DCC: variants seen among roughly 807,000 people sequenced by gnomAD.
The protein encoded by DCC is DCC netrin 1 receptor, also known as netrin receptor DCC.
DCC carries 58 observed loss-of-function variants against 172.5 expected under a neutral mutation model. The observed-to-expected ratio is 0.34, with a 90% CI of 0.27 to 0.42. The LOEUF (loss-of-function observed/expected upper bound fraction) is 0.42, where lower values mean the gene tolerates loss of function less well. Ranked by LOEUF, DCC falls within the 10% of genes least tolerant of loss-of-function variation. DCC has a pLI of 1.00. For missense variants in DCC, 1,740 were observed against 1,791.0 expected (o/e 0.97, Z 0.51); for synonymous variants, 709 against 644.5 (o/e 1.10, Z -1.52).
chr18:53,235,434 A>G (rs2056187186), intron 12 of DCC, among the ~76,000 whole-genome samples: 1 of 152,182 alleles, frequency 6.6e-6, no homozygotes, highest in Non-Finnish European at 1.5e-5. Flanking sequence ...GAACTCCTAG[A>G]AAAATAAGTC....
chr18:52,838,011 G>C (rs1054929574), intron 2 of DCC, among the ~76,000 whole-genome samples: 1 of 152,136 alleles, frequency 6.6e-6, no homozygotes, highest in African/African-American at 2.4e-5. Flanking sequence ...TCTCATGAGA[G>C]CTAACTCACT....
chr18:53,103,464 G>C (rs2043202039), intron 7 of DCC, among the ~76,000 whole-genome samples: 3 of 151,982 alleles, frequency 2.0e-5, no homozygotes, highest in African/African-American at 7.2e-5. Flanking sequence ...CTTGACACTT[G>C]AGCCTGGGCT....
chr18:52,410,785 GT>G (rs1401152892), intron 1 of DCC, among the ~76,000 whole-genome samples: 1 of 152,122 alleles, frequency 6.6e-6, no homozygotes, highest in Non-Finnish European at 1.5e-5. Context: ...ACATTATTCA[GT>G]GGTAACATAT....
chr18:53,494,274 G>T (rs2045992922), intron 26 of DCC, among the ~76,000 whole-genome samples: 1 of 152,218 alleles, frequency 6.6e-6, no homozygotes, highest in African/African-American at 2.4e-5. Flanking sequence ...TAACTGTGAT[G>T]TAGTGCTACA....
intron 15 of DCC, among the ~76,000 whole-genome samples, chr18:53,384,870 C>T (rs145791339): frequency 0.026 from 3,902 of 150,782 alleles, 70 homozygotes; most frequent in Middle Eastern, 0.065. Context: ...TTTTTTGAGG[C>T]AGAGTCTCGC....
intron 1 of DCC, among the ~76,000 whole-genome samples, chr18:52,581,926 A>T (rs2033559091): frequency 6.6e-6 from 1 of 152,186 alleles, no homozygotes; most frequent in Admixed American, 6.5e-5. Flanking sequence ...ATTGGTGGTC[A>T]TGAATGCAGT....
At chr18:53,215,966 GAGAA>G (rs1390306163) in intron 12 of DCC, among the ~76,000 whole-genome samples, 9 of 152,260 alleles carry the variant, frequency 5.9e-5, no homozygotes, top group East Asian at 5.8e-4. Flanking sequence ...AAATAATTAG[GAGAA>G]AGAAAGACTG....
chr18:52,967,167 A>G (rs1445372649), intron 5 of DCC, among the ~76,000 whole-genome samples: 1 of 152,192 alleles, frequency 6.6e-6, no homozygotes, highest in African/African-American at 2.4e-5. Flanking sequence ...GAAAATGTGG[A>G]TAAAAAACCA....
intron 1 of DCC, among the ~76,000 whole-genome samples, chr18:52,674,940 C>A (rs2035623867): frequency 6.6e-6 from 1 of 152,206 alleles, no homozygotes; most frequent in Non-Finnish European, 1.5e-5. Context: ...CATTTTACAG[C>A]CTATTCTCTA....
chr18:53,381,445 C>T (rs1042447272), intron 15 of DCC, among the ~76,000 whole-genome samples: 4 of 151,876 alleles, frequency 2.6e-5, no homozygotes, highest in African/African-American at 9.7e-5. Flanking sequence ...TCAAAGGCTT[C>T]CTATTAAGTA....
At chr18:52,750,207 T>G (rs1433760121) in intron 1 of DCC, among the ~76,000 whole-genome samples, 1 of 152,178 alleles carries the variant, frequency 6.6e-6, no homozygotes, top group Non-Finnish European at 1.5e-5. Context: ...ACTTCTTAAT[T>G]TTTGCAGATG....
intron 2 of DCC, among the ~76,000 whole-genome samples, chr18:52,778,222 G>A (rs1400366229): frequency 6.6e-6 from 1 of 152,166 alleles, no homozygotes; most frequent in African/African-American, 2.4e-5. Flanking sequence ...GATAGAGAGT[G>A]AAACTATTGT....
At chr18:52,720,827 T>A (rs1182373518) in intron 1 of DCC, among the ~76,000 whole-genome samples, 1 of 152,182 alleles carries the variant, frequency 6.6e-6, no homozygotes, top group African/African-American at 2.4e-5. Context: ...ATGGGACCCC[T>A]TCCTCGGGAT....
At chr18:53,341,117 A>G (rs1021984213) in intron 15 of DCC, among the ~76,000 whole-genome samples, 1 of 152,198 alleles carries the variant, frequency 6.6e-6, no homozygotes, top group African/African-American at 2.4e-5. Context: ...CACAAAACTC[A>G]TATTTTATGG....
intron 1 of DCC, among the ~76,000 whole-genome samples, chr18:52,669,908 A>C (rs181019680): frequency 1.1e-4 from 17 of 151,956 alleles, no homozygotes; most frequent in South Asian, 8.4e-4. Context: ...AGAAAGTAAC[A>C]AGTGTGTTTT....
intron 1 of DCC, among the ~76,000 whole-genome samples, chr18:52,696,003 C>A (rs986213515): frequency 2.0e-5 from 3 of 152,098 alleles, no homozygotes; most frequent in Non-Finnish European, 4.4e-5. Context: ...AGTTTTTATT[C>A]TGAGCATTGA....
intron 1 of DCC, among the ~76,000 whole-genome samples, chr18:52,667,867 G>A (rs1030891455): frequency 6.6e-6 from 1 of 152,198 alleles, no homozygotes; most frequent in African/African-American, 2.4e-5. Flanking sequence ...CCTTGATAAA[G>A]GCTGGTAAGA....
At chr18:52,926,187 T>C (rs1012323359) in intron 5 of DCC, among the ~76,000 whole-genome samples, 4 of 151,920 alleles carry the variant, frequency 2.6e-5, no homozygotes, top group African/African-American at 7.2e-5. Context: ...TCATAGTCTA[T>C]TTAAAAGTTA....
chr18:53,372,570 A>G (rs539966021), intron 15 of DCC, among the ~76,000 whole-genome samples: 4 of 152,112 alleles, frequency 2.6e-5, no homozygotes, highest in South Asian at 2.1e-4. Context: ...CTGTTTACCT[A>G]TATAACAAAC....
Sources: allele counts gnomAD v4.1 joint callset (sites outside exome capture counted in the v4.1 genomes callset), GRCh38; gene constraint gnomAD v4.1.1; transcripts MANE v1.5; gene names NCBI Gene and HGNC (gene_info 2026-07-23, HGNC 2026-07-21).